The following WDR64 variants were observed in gnomAD, a reference collection of about 807,000 sequenced individuals.
The protein encoded by WDR64 is WD repeat-containing protein 64.
In WDR64, 112 loss-of-function variants were observed where a neutral mutation model predicts 139.3. The observed-to-expected ratio is 0.80, with a 90% CI of 0.69 to 0.94. The LOEUF (loss-of-function observed/expected upper bound fraction) is 0.94, where lower values mean the gene tolerates loss of function less well. Among genes scored for constraint, WDR64 ranks in the 40% least tolerant of loss-of-function variants. WDR64 has a pLI of 0.00. For synonymous variants in WDR64, 444 were observed against 437.7 expected, an observed-to-expected ratio of 1.01 and a Z score of -0.18; for missense variants, 1,206 against 1,293.1, an observed-to-expected ratio of 0.93 and a Z score of 1.03.
rs1228800833 is a variant in WDR64, at chr1:241,703,530, G to A, written c.975-8272G>A. ...CTCTTTAAAATTGCTATCATTTCAGGGGGATCAGGGAAAAAGTCAGAATGA... is the reference window on the plus strand; with the variant it reads ...CTCTTTAAAATTGCTATCATTTCAGAGGGATCAGGGAAAAAGTCAGAATGA... On this transcript the variant is annotated intron_variant, in intron 8 of 27. Coordinates refer to ENST00000437684, the MANE Select transcript of WDR64 (RefSeq NM_001367482.1). The surrounding 1 kb of genome is among the most constrained non-coding windows in gnomAD (Gnocchi z 5.9). 6.6e-6 allele frequency among the ~76,000 whole-genome samples: 1 copy of A among 151,958 alleles called. No homozygotes were observed. The highest frequency in any genetic ancestry group is 2.4e-5 in the African/African-American group (1 of 41,358).
chr1:241,748,949 A>AAAAG lies in WDR64; in HGVS notation c.1595-582_1595-579dup, dbSNP rs972700343. Among the ~76,000 whole-genome samples, 303 of 150,268 alleles carry AAAAG rather than the reference A, an allele frequency of 2.0e-3. 1 individual carries two copies. Among genetic ancestry groups the AAAAG allele is most frequent in the East Asian group, 0.018 (95 of 5,164 alleles). ...TGAGACTCTTGTCTTAAAAAAAAAA[A>AAAAG]AAAGAAAGAAAGAAAGAAAAAGAAA... On this transcript the variant is annotated intron_variant, in intron 13 of 27. Transcript: ENST00000437684.
intron 10 of WDR64, among the ~76,000 whole-genome samples, chr1:241,725,343 CA>C: frequency 6.6e-6 from 1 of 151,924 alleles, no homozygotes; most frequent in East Asian, 1.9e-4. Context: ...ACAGGAAATA[CA>C]GAAAGGAAAT....
rs1574042605 is a variant in WDR64 at position 241,723,284 on chromosome 1, T to C, written c.1055-13T>C. 1 of 1,613,380 alleles carries C rather than the reference T, an allele frequency of 6.2e-7. No homozygotes were observed. The highest frequency in any genetic ancestry group is 8.5e-7 in the Non-Finnish European group (1 of 1,179,650). On this transcript the variant is annotated splice_polypyrimidine_tract_variant and intron_variant, in intron 9 of 27. Transcript: ENST00000437684. ...TCAGAAAACCAACAATCTTTCCCTG[T>C]CCTCCTTTTCAGGAGATGATAAGGT...
chr1:241,711,605 G>A (rs963467140), intron 8 of WDR64, among the ~76,000 whole-genome samples, 197 bp from the exon 9 acceptor site: 8 of 152,246 alleles, frequency 5.3e-5, no homozygotes, highest in African/African-American at 1.9e-4. Flanking sequence ...AAAGTACTAC[G>A]CGAATATCAC....
At chr1:241,662,345 C>A (rs1431760670) in intron 2 of WDR64, among the ~76,000 whole-genome samples, 3 of 152,168 alleles carry the variant, frequency 2.0e-5, no homozygotes, top group Non-Finnish European at 2.9e-5. Context: ...AGGGAAGAAT[C>A]TGCTCCTAAG....
chr1:241,693,568 C>T (rs1280965939), intron 8 of WDR64, among the ~76,000 whole-genome samples: 1 of 152,114 alleles, frequency 6.6e-6, no homozygotes, highest in Non-Finnish European at 1.5e-5. Context: ...AATCTTGTGT[C>T]CATTATTATA....
chr1:241,765,604 TA>T (rs1229446785), intron 15 of WDR64, among the ~76,000 whole-genome samples: 1 of 152,158 alleles, frequency 6.6e-6, no homozygotes, highest in Non-Finnish European at 1.5e-5. Flanking sequence ...TCCTCTTATT[TA>T]AATGTCACTC....
intron 12 of WDR64, among the ~76,000 whole-genome samples, chr1:241,742,491 C>A (rs946478307): frequency 1.3e-5 from 2 of 152,172 alleles, no homozygotes; most frequent in African/African-American, 2.4e-5. Flanking sequence ...AGAGTGACCT[C>A]TGGTCATCCT....
chr1:241,737,711 T>C (rs1348487586), intron 10 of WDR64, among the ~76,000 whole-genome samples: 1 of 152,172 alleles, frequency 6.6e-6, no homozygotes, highest in Non-Finnish European at 1.5e-5. Flanking sequence ...CTTAACCTAG[T>C]TTTGCAGAAT....
At chr1:241,702,537 A>G (rs1023121278) in intron 8 of WDR64, among the ~76,000 whole-genome samples, 2 of 152,050 alleles carry the variant, frequency 1.3e-5, no homozygotes, top group Non-Finnish European at 2.9e-5. Context: ...AAAAAAAAGA[A>G]AGAACTTGAA....
At chr1:241,770,336 T>A in intron 17 of WDR64, 1 of 263,742 alleles carries the variant, frequency 3.8e-6, no homozygotes, top group Non-Finnish European at 7.1e-6. Flanking sequence ...TGTAAGAGCC[T>A]CTGGGACTAA....
chr1:241,732,135 G>A (rs1669105246), intron 10 of WDR64, among the ~76,000 whole-genome samples: 1 of 152,098 alleles, frequency 6.6e-6, no homozygotes, highest in African/African-American at 2.4e-5. Context: ...AAATTAGAAA[G>A]GCAGGCCAAA....
chr1:241,778,491 A>C (rs912556506), intron 21 of WDR64, among the ~76,000 whole-genome samples: 1 of 152,196 alleles, frequency 6.6e-6, no homozygotes, highest in African/African-American at 2.4e-5. Flanking sequence ...GATTGTTGGC[A>C]TCTAAAGTAA....
chr1:241,687,048 T>TA (rs1439224039), intron 7 of WDR64, among the ~76,000 whole-genome samples: 2 of 152,192 alleles, frequency 1.3e-5, no homozygotes, highest in Admixed American at 1.3e-4. Context: ...CTCATGCCTG[T>TA]AACCCCAGTA....
At chr1:241,652,818 G>C (rs1665413777) in intron 1 of WDR64, among the ~76,000 whole-genome samples, 189 bp downstream of exon 1, 1 of 152,020 alleles carries the variant, frequency 6.6e-6, no homozygotes, top group Admixed American at 6.5e-5. Context: ...CTTTTGTTTT[G>C]TTTTGTTTTT....
intron 15 of WDR64, 137 bp downstream of exon 15, chr1:241,757,596 C>T (rs1180269505): frequency 1.6e-6 from 1 of 631,878 alleles, no homozygotes; most frequent in Non-Finnish European, 2.5e-6. Flanking sequence ...CTGTATATGA[C>T]CAAACTTACT....
intron 3 of WDR64, among the ~76,000 whole-genome samples, chr1:241,674,426 TTG>T (rs1010529399): frequency 3.3e-5 from 5 of 151,836 alleles, no homozygotes; most frequent in African/African-American, 1.2e-4. Context: ...TCAGCTAATT[TTG>T]TGTTTTTGGT....
At chr1:241,771,165 G>A (rs538884418) in intron 18 of WDR64, among the ~76,000 whole-genome samples, 1 of 152,288 alleles carries the variant, frequency 6.6e-6, no homozygotes, top group African/African-American at 2.4e-5. Context: ...TGTGTTTGAA[G>A]GAAAGTTGTC....
Position 241,671,051 on chromosome 1 carries a change from A to C in WDR64, c.277-23A>C, listed in dbSNP as rs185513740. ...TAATTCTGAGGCATGCTGCATATTT[A>C]TATGTGCTGTTTGGGATTTCAGATC... On this transcript the variant is annotated intron_variant, in intron 2 of 27. Coordinates refer to ENST00000437684, the MANE Select transcript of WDR64 (RefSeq NM_001367482.1). 107 of 1,472,586 alleles carry C rather than the reference A, an allele frequency of 7.3e-5. No homozygotes were observed. The African/African-American group carries it at 1.4e-3, about 19-fold the overall frequency. 91.2% of individuals were successfully genotyped at this position (1,472,586 alleles called of 1,614,324 possible).
Sources: gnomAD v4.1 joint callset for allele counts (sites outside exome capture counted in the v4.1 genomes callset) on GRCh38, gnomAD v4.1.1 for gene constraint, Gnocchi (gnomAD v3.1) non-coding constraint, MANE v1.5 for transcripts, NCBI Gene and HGNC (gene_info 2026-07-23, HGNC 2026-07-21) for gene names.